The following EBF1 variants were observed in gnomAD, a reference collection of about 807,000 sequenced individuals.
The protein encoded by EBF1 is transcription factor COE1.
EBF1 carries 10 observed loss-of-function variants against 68.4 expected under a neutral mutation model. The ratio of observed to expected loss-of-function variants is 0.15; its 90% CI spans 0.09 to 0.25. EBF1 has a LOEUF of 0.25. Among genes scored for constraint, EBF1 ranks in the 10% least tolerant of loss-of-function variants. The pLI, the probability that EBF1 is intolerant of heterozygous loss-of-function variation, is 1.00. For synonymous variants in EBF1, 298 were observed against 299.8 expected, an observed-to-expected ratio of 0.99 and a Z score of 0.06; for missense variants, 509 against 794.4, an observed-to-expected ratio of 0.64 and a Z score of 4.32.
At chr5:159,083,570 T>C (rs1254920165) in intron 5 of EBF1, among the ~76,000 whole-genome samples, 1 of 152,234 alleles carries the variant, frequency 6.6e-6, no homozygotes, top group Non-Finnish European at 1.5e-5. Flanking sequence ...ACTGTAGACA[T>C]ACAAGAAGTT....
intron 6 of EBF1, among the ~76,000 whole-genome samples, chr5:158,961,906 C>G (rs961657269): frequency 6.6e-6 from 1 of 152,142 alleles, no homozygotes; most frequent in African/African-American, 2.4e-5. Flanking sequence ...CCTAGAAAGT[C>G]TTATTCCAGA....
chr5:159,034,039 A>C (rs940443060), intron 6 of EBF1, among the ~76,000 whole-genome samples: 5 of 152,204 alleles, frequency 3.3e-5, no homozygotes, highest in Non-Finnish European at 7.3e-5. Flanking sequence ...TTGCATCTAT[A>C]TTTCATTGGC....
chr5:158,743,331 T>C (rs762544801), intron 10 of EBF1, among the ~76,000 whole-genome samples: 8 of 152,132 alleles, frequency 5.3e-5, no homozygotes, highest in Non-Finnish European at 7.4e-5. Flanking sequence ...ATACAAAAGA[T>C]GTGTTCAAGT....
At chr5:158,779,729 A>AT (rs1776031143) in intron 9 of EBF1, among the ~76,000 whole-genome samples, 1 of 152,158 alleles carries the variant, frequency 6.6e-6, no homozygotes, top group Non-Finnish European at 1.5e-5. Context: ...ATGGATGAAG[A>AT]TTCTTTTTAA....
intron 6 of EBF1, among the ~76,000 whole-genome samples, chr5:158,954,231 C>A (rs1284836599): frequency 6.6e-6 from 1 of 151,494 alleles, no homozygotes; most frequent in African/African-American, 2.5e-5. Context: ...AAACTGAAGA[C>A]CCACCGCGAA....
intron 8 of EBF1, among the ~76,000 whole-genome samples, chr5:158,799,796 A>T (rs1163901843): frequency 2.0e-5 from 3 of 152,198 alleles, no homozygotes; most frequent in African/African-American, 7.2e-5. Context: ...CAGGCCTAGC[A>T]TCGTCTGGGT....
chr5:158,887,128 G>T (rs1800214979), intron 6 of EBF1, among the ~76,000 whole-genome samples: 2 of 152,120 alleles, frequency 1.3e-5, no homozygotes, highest in Non-Finnish European at 2.9e-5. Context: ...AAAACAAATT[G>T]GTACTTAACA....
chr5:158,814,384 GGCCAAAATATAAGTAGAAA>G (rs1783303163), intron 8 of EBF1, among the ~76,000 whole-genome samples: 1 of 151,994 alleles, frequency 6.6e-6, no homozygotes, highest in Non-Finnish European at 1.5e-5. Flanking sequence ...TGTCATTTCT[GGCCAAAATATAAGTAGAAA>G]GCAACAATCT....
intron 7 of EBF1, among the ~76,000 whole-genome samples, chr5:158,839,007 A>T (rs547232061): frequency 6.6e-6 from 1 of 152,238 alleles, no homozygotes; most frequent in East Asian, 1.9e-4. Context: ...CCCACCCCAG[A>T]CCTCTATTAA....
intron 6 of EBF1, among the ~76,000 whole-genome samples, chr5:158,871,056 T>A (rs1460621172): frequency 2.6e-5 from 4 of 152,132 alleles, no homozygotes; most frequent in Non-Finnish European, 5.9e-5. Context: ...AAAAATACTC[T>A]CTAATAGTGA....
intron 6 of EBF1, among the ~76,000 whole-genome samples, chr5:158,985,307 A>G (rs1329976751): frequency 2.0e-5 from 3 of 152,156 alleles, no homozygotes; most frequent in East Asian, 3.9e-4. Flanking sequence ...ACTGAACATC[A>G]CCTATCTTGA....
At chr5:158,817,326 TGTAATTGCAG>T (rs1783960770) in intron 8 of EBF1, among the ~76,000 whole-genome samples, 1 of 152,176 alleles carries the variant, frequency 6.6e-6, no homozygotes, top group Non-Finnish European at 1.5e-5. Flanking sequence ...CATGTTGAAA[TGTAATTGCAG>T]TTTCAACAGT....
chr5:158,894,730 C>T (rs1801843289), intron 6 of EBF1, among the ~76,000 whole-genome samples: 1 of 152,306 alleles, frequency 6.6e-6, no homozygotes, highest in South Asian at 2.1e-4. Flanking sequence ...AATCCAACGT[C>T]CCTGTGTTTC....
intron 9 of EBF1, among the ~76,000 whole-genome samples, chr5:158,792,835 A>G (rs927424617): frequency 6.6e-6 from 1 of 152,180 alleles, no homozygotes; most frequent in Non-Finnish European, 1.5e-5. Flanking sequence ...GATCACAAAC[A>G]TATACAACTG....
chr5:158,793,713 T>C (rs1471348844), intron 9 of EBF1, among the ~76,000 whole-genome samples: 2 of 152,214 alleles, frequency 1.3e-5, no homozygotes, highest in Non-Finnish European at 2.9e-5. Context: ...TACAAGCCTA[T>C]TGTGAGGCTT....
intron 7 of EBF1, among the ~76,000 whole-genome samples, chr5:158,831,740 G>A (rs761326538): frequency 6.6e-6 from 1 of 152,156 alleles, no homozygotes; most frequent in Non-Finnish European, 1.5e-5. Flanking sequence ...GGCCTCAAGT[G>A]ATCCACCTGC....
intron 15 of EBF1, among the ~76,000 whole-genome samples, chr5:158,700,692 T>C (rs1192111163): frequency 1.3e-5 from 2 of 151,918 alleles, no homozygotes; most frequent in African/African-American, 4.8e-5. Context: ...CTTTTTCCGT[T>C]AATTTTTAAA....
chr5:158,754,859 T>C (rs1367616353), intron 10 of EBF1, among the ~76,000 whole-genome samples: 1 of 152,168 alleles, frequency 6.6e-6, no homozygotes, highest in Admixed American at 6.6e-5. Flanking sequence ...CTCAATTCAA[T>C]GCAAACAATT....
intron 10 of EBF1, among the ~76,000 whole-genome samples, chr5:158,774,592 G>T (rs946263280): frequency 1.3e-5 from 2 of 152,090 alleles, no homozygotes; most frequent in African/African-American, 2.4e-5. Context: ...AGAAAATGAA[G>T]TGTGAACTTC....
Sources: allele counts gnomAD v4.1 joint callset (sites outside exome capture counted in the v4.1 genomes callset), GRCh38; gene constraint gnomAD v4.1.1; transcripts MANE v1.5; gene names NCBI Gene and HGNC (gene_info 2026-07-23, HGNC 2026-07-21).